Variants in DCAF7 observed in about 807,000 individuals in gnomAD.
DCAF7 encodes DDB1- and CUL4-associated factor 7.
A neutral mutation model predicts 41.2 loss-of-function variants in DCAF7; 4 were observed. The observed-to-expected ratio is 0.10, with a 90% CI of 0.05 to 0.22. DCAF7 has a LOEUF of 0.22. Among genes scored for constraint, DCAF7 ranks in the 10% least tolerant of loss-of-function variants. The pLI, the probability that DCAF7 is intolerant of heterozygous loss-of-function variation, is 1.00. For missense variants in DCAF7, 131 were observed against 443.2 expected, an observed-to-expected ratio of 0.30 and a Z score of 6.32; for synonymous variants, 143 against 164.2, an observed-to-expected ratio of 0.87 and a Z score of 0.99.
intron 1 of DCAF7, among the ~76,000 whole-genome samples, chr17:63,577,083 A>G (rs972193380): frequency 2.0e-5 from 3 of 152,210 alleles, no homozygotes; most frequent in Non-Finnish European, 4.4e-5. Context: ...TTTATATCGT[A>G]TTATGGAGAG....
intron 1 of DCAF7, among the ~76,000 whole-genome samples, chr17:63,554,630 T>A (rs954482063): frequency 6.6e-6 from 1 of 152,266 alleles, no homozygotes; most frequent in African/African-American, 2.4e-5. Context: ...TGTCTCAGTT[T>A]CATCATCTGT....
chr17:63,559,199 T>C (rs2033342130), intron 1 of DCAF7, among the ~76,000 whole-genome samples: 1 of 150,436 alleles, frequency 6.6e-6, no homozygotes, highest in South Asian at 2.1e-4. Flanking sequence ...TAATCCTCGC[T>C]ACTTGGGAGG....
chr17:63,565,057 G>A (rs1357106672), intron 1 of DCAF7, among the ~76,000 whole-genome samples: 1 of 152,206 alleles, frequency 6.6e-6, no homozygotes, highest in African/African-American at 2.4e-5. Context: ...AGGATTGCTT[G>A]AGGCCAGTAA....
intron 1 of DCAF7, among the ~76,000 whole-genome samples, chr17:63,574,202 A>G (rs1166947098): frequency 6.6e-6 from 1 of 152,014 alleles, no homozygotes; most frequent in South Asian, 2.1e-4. Context: ...GCCTACCCAG[A>G]TCCTTCCTAT....
chr17:63,566,023 C>A (rs1005345693), intron 1 of DCAF7, among the ~76,000 whole-genome samples: 14 of 152,108 alleles, frequency 9.2e-5, no homozygotes, highest in African/African-American at 3.1e-4. Flanking sequence ...ATCGCTTGAA[C>A]CCAGGAGGCA....
chr17:63,552,022 G>A (rs984708965), intron 1 of DCAF7, among the ~76,000 whole-genome samples: 25 of 150,014 alleles, frequency 1.7e-4, no homozygotes, highest in African/African-American at 6.1e-4. Context: ...AGGTTGCAGT[G>A]AGCCGAGATG....
intron 1 of DCAF7, among the ~76,000 whole-genome samples, chr17:63,571,290 G>A (rs551732296): frequency 6.6e-6 from 1 of 152,168 alleles, no homozygotes; most frequent in South Asian, 2.1e-4. Context: ...TAAATCTGTA[G>A]GCAAGATCTG....
chr17:63,566,713 G>A (rs1263326650), intron 1 of DCAF7, among the ~76,000 whole-genome samples: 4 of 152,178 alleles, frequency 2.6e-5, no homozygotes, highest in Non-Finnish European at 5.9e-5. Flanking sequence ...TTGAGCCCAG[G>A]AGTTCGAGGG....
At chr17:63,579,517 G>A (rs2033596660) in intron 3 of DCAF7, 69 bp downstream of exon 3, 2 of 1,145,662 alleles carry the variant, frequency 1.7e-6, no homozygotes, top group African/African-American at 3.1e-5. Flanking sequence ...ATGTCACACT[G>A]GGCCATACAT....
chr17:63,587,899 T>C (rs889051085), intron 6 of DCAF7, among the ~76,000 whole-genome samples: 15 of 149,944 alleles, frequency 1.0e-4, no homozygotes, highest in Non-Finnish European at 1.6e-4. Context: ...GGCAGGAGAA[T>C]CGCTTGAACC....
chr17:63,587,247 G>A (rs2033686573), intron 6 of DCAF7, among the ~76,000 whole-genome samples: 1 of 151,878 alleles, frequency 6.6e-6, no homozygotes, highest in Admixed American at 6.6e-5. Context: ...ATGCCTGTAT[G>A]TCTCCTTGAA....
chr17:63,562,591 G>A (rs1469759044), intron 1 of DCAF7, among the ~76,000 whole-genome samples: 1 of 150,678 alleles, frequency 6.6e-6, no homozygotes, highest in Non-Finnish European at 1.5e-5. Flanking sequence ...ACAATGTGCA[G>A]GTTAGTTACA....
intron 1 of DCAF7, among the ~76,000 whole-genome samples, chr17:63,566,339 C>T (rs1298993192): frequency 6.7e-6 from 1 of 150,098 alleles, no homozygotes; most frequent in Non-Finnish European, 1.5e-5. Context: ...CCACTGCACA[C>T]CAGCCTGGGC....
chr17:63,564,699 A>G (rs1281534233), intron 1 of DCAF7, among the ~76,000 whole-genome samples: 1 of 152,230 alleles, frequency 6.6e-6, no homozygotes, highest in Non-Finnish European at 1.5e-5. Flanking sequence ...AGGATAAGCC[A>G]GAGCCAGAGA....
chr17:63,577,699 T>C (rs1165828173), intron 1 of DCAF7, among the ~76,000 whole-genome samples: 1 of 152,144 alleles, frequency 6.6e-6, no homozygotes, highest in East Asian at 1.9e-4. Flanking sequence ...TATTGGATTT[T>C]TAAGTGAGCA....
intron 6 of DCAF7, 47 bp from the exon 7 acceptor site, chr17:63,588,953 G>T (rs368650103): frequency 4.5e-5 from 70 of 1,562,748 alleles, no homozygotes; most frequent in South Asian, 2.9e-4. Context: ...ATCATCATCC[G>T]CATTGCCTCA....
At chr17:63,579,680 G>T in intron 3 of DCAF7, 145 bp from the exon 4 acceptor site, 1 of 727,390 alleles carries the variant, frequency 1.4e-6, no homozygotes, top group East Asian at 2.7e-5. Flanking sequence ...GACTGCCTCG[G>T]TGGCTCTGCC....
intron 1 of DCAF7, among the ~76,000 whole-genome samples, chr17:63,567,492 G>A (rs1050564165): frequency 6.6e-6 from 1 of 152,182 alleles, no homozygotes; most frequent in Non-Finnish European, 1.5e-5. Context: ...GGCCAGGACT[G>A]TCTATTGTAA....
chr17:63,562,688 C>G, intron 1 of DCAF7, among the ~76,000 whole-genome samples: 2 of 117,088 alleles, frequency 1.7e-5, no homozygotes, highest in Admixed American at 1.0e-4. Flanking sequence ...TCCCTCCCCC[C>G]TCCCCCCACC....
Sources: allele counts gnomAD v4.1 joint callset (sites outside exome capture counted in the v4.1 genomes callset), GRCh38; gene constraint gnomAD v4.1.1; transcripts MANE v1.5; gene names NCBI Gene and HGNC (gene_info 2026-07-23, HGNC 2026-07-21).